COLEC10: variants seen among roughly 807,000 people sequenced by gnomAD.
COLEC10 encodes collectin subfamily member 10, also known as collectin-10.
Under a neutral mutation model 28.4 loss-of-function variants are expected in COLEC10, and 22 were observed. The observed-to-expected ratio is 0.78, with a 90% CI of 0.55 to 1.11. COLEC10 has a LOEUF of 1.11. Among genes scored for constraint, COLEC10 ranks in the 50% least tolerant of loss-of-function variants. The pLI, the probability that COLEC10 is intolerant of heterozygous loss-of-function variation, is 0.00. For missense variants in COLEC10, 361 were observed against 344.1 expected (o/e 1.05, Z -0.39); for synonymous variants, 125 against 116.1 (o/e 1.08, Z -0.49).
intron 1 of COLEC10, among the ~76,000 whole-genome samples, chr8:119,077,787 G>A (rs1815281020): frequency 6.6e-6 from 1 of 152,016 alleles, no homozygotes; most frequent in Non-Finnish European, 1.5e-5. Flanking sequence ...TAGCACCAAT[G>A]GCTTCCACAT....
chr8:119,035,222 G>A (rs1814365758), intron 2 of COLEC10, among the ~76,000 whole-genome samples: 1 of 152,150 alleles, frequency 6.6e-6, no homozygotes, highest in African/African-American at 2.4e-5. Context: ...TTCTTCTGGA[G>A]GAAATCTGAG....
intron 2 of COLEC10, among the ~76,000 whole-genome samples, chr8:119,043,888 A>T (rs1814541134): frequency 6.6e-6 from 1 of 152,222 alleles, no homozygotes; most frequent in South Asian, 2.1e-4. Flanking sequence ...TAGAAGTAGG[A>T]CATGGACAAC....
At chr8:119,074,247 C>T (rs561896927) in intron 1 of COLEC10, among the ~76,000 whole-genome samples, 2 of 151,882 alleles carry the variant, frequency 1.3e-5, no homozygotes, top group East Asian at 1.9e-4. Context: ...GGAACTATAG[C>T]CAGTAATAAA....
the COLEC10 span, among the ~76,000 whole-genome samples, chr8:118,972,187 C>A: frequency 6.6e-6 from 1 of 151,924 alleles, no homozygotes. Context: ...GGGCTTGTAA[C>A]CAAATTTCTG....
chr8:118,954,923 T>G, the COLEC10 span, among the ~76,000 whole-genome samples: 1 of 152,196 alleles, frequency 6.6e-6, no homozygotes, highest in African/African-American at 2.4e-5. Context: ...GGAAAGCAAT[T>G]GACTTAGGTG....
intron 1 of COLEC10, among the ~76,000 whole-genome samples, chr8:118,998,750 G>A (rs1207298463): frequency 6.7e-6 from 1 of 150,018 alleles, no homozygotes; most frequent in Non-Finnish European, 1.5e-5. Context: ...GAGAGGCTGA[G>A]GCAGGAGAAG....
At chr8:119,011,816 C>T (rs1047047752) in intron 2 of COLEC10, among the ~76,000 whole-genome samples, 3 of 150,904 alleles carry the variant, frequency 2.0e-5, no homozygotes, top group Non-Finnish European at 1.5e-5. Context: ...ATCCTTGCAA[C>T]CTAGTTACAA....
At chr8:118,966,630 A>T in the COLEC10 span, among the ~76,000 whole-genome samples, 1 of 151,992 alleles carries the variant, frequency 6.6e-6, no homozygotes, top group Non-Finnish European at 1.5e-5. Context: ...GATGAATAAA[A>T]GTTGTAGATT....
chr8:118,959,185 G>C, the COLEC10 span, among the ~76,000 whole-genome samples: 2 of 152,146 alleles, frequency 1.3e-5, no homozygotes, highest in African/African-American at 4.8e-5. Flanking sequence ...GTGTGAAAGA[G>C]GGGATTTCTT....
At chr8:118,988,149 C>A in the COLEC10 span, among the ~76,000 whole-genome samples, 1 of 152,122 alleles carries the variant, frequency 6.6e-6, no homozygotes, top group East Asian at 1.9e-4. Context: ...TGAAGGCTGA[C>A]TGTGAACTAG....
In COLEC10 at chr8:119,016,418, G is replaced by A. The variant is rs758874762; in HGVS notation, n.235+6865G>A. 2.2e-4 allele frequency among the ~76,000 whole-genome samples: 33 copies of A among 152,232 alleles called. 1 individual carries two copies. The highest frequency in any genetic ancestry group is 8.3e-4 in the South Asian group (4 of 4,828). Reference sequence around the variant, plus strand: ...GTATGTGCCACATTTTCTTTGTCCAGTCTATCACTGATAGGCATTTGGGTT... The same window carrying A: ...GTATGTGCCACATTTTCTTTGTCCAATCTATCACTGATAGGCATTTGGGTT... On this transcript the variant is annotated intron_variant and non_coding_transcript_variant, in intron 2 of 6. Transcript: ENST00000521788.
intron 1 of COLEC10, among the ~76,000 whole-genome samples, chr8:119,080,273 C>T (rs1450530921): frequency 6.6e-6 from 1 of 152,146 alleles, no homozygotes; most frequent in African/African-American, 2.4e-5. Flanking sequence ...CACAACACAG[C>T]TTGGTAGCTA....
intron 1 of COLEC10, among the ~76,000 whole-genome samples, chr8:118,998,802 G>T (rs1165501329): frequency 7.6e-6 from 1 of 131,946 alleles, no homozygotes; most frequent in South Asian, 2.4e-4. Context: ...AGCCAAGATC[G>T]TGCCACTGCA....
intron 2 of COLEC10, among the ~76,000 whole-genome samples, chr8:119,022,746 C>T (rs1038781713): frequency 1.3e-5 from 2 of 152,056 alleles, no homozygotes; most frequent in East Asian, 3.9e-4. Context: ...GCTGCCTCCC[C>T]AGCTCAGTAG....
At position 119,058,226 on chromosome 8, in the gene COLEC10, G is replaced by A. The variant is rs140491910; in HGVS notation, n.236-31454G>A. 3.7e-4 allele frequency among the ~76,000 whole-genome samples: 56 copies of A among 152,114 alleles called. 1 individual carries two copies. Among genetic ancestry groups the A allele is most frequent in the Admixed American group, 1.4e-3 (21 of 15,260 alleles). On this transcript the variant is annotated intron_variant and non_coding_transcript_variant, in intron 2 of 6. Transcript: ENST00000521788. ...ATAACTATTCCAAGACTTTTGGAAT[G>A]CAGTTTTCATGATAGGTTTGAGGGT...
intron 1 of COLEC10, chr8:119,067,824 G>A (rs1275550737): frequency 6.4e-6 from 1 of 156,812 alleles, no homozygotes; most frequent in Non-Finnish European, 1.4e-5. Flanking sequence ...TGCTGGTAAA[G>A]CTGTTTAAGC....
chr8:119,032,770 C>T (rs1470800161), intron 2 of COLEC10, among the ~76,000 whole-genome samples: 1 of 152,134 alleles, frequency 6.6e-6, no homozygotes, highest in Non-Finnish European at 1.5e-5. Flanking sequence ...GCCGTGCTGG[C>T]GGGCGCCTGT....
At chr8:119,093,015 A>G (rs764733472) in intron 3 of COLEC10, among the ~76,000 whole-genome samples, 16 of 152,236 alleles carry the variant, frequency 1.1e-4, no homozygotes, top group Non-Finnish European at 1.9e-4. Context: ...GGTCTTGAAG[A>G]ATAGTAACAT....
At chr8:119,032,867 A>G (rs12678460) in intron 2 of COLEC10, among the ~76,000 whole-genome samples, 6,707 of 152,314 alleles carry the variant, frequency 0.044, 217 homozygotes, top group East Asian at 0.16. Context: ...GCGCCTCTGC[A>G]CCGGAGCCTG....
Sources: allele counts gnomAD v4.1 joint callset (sites outside exome capture counted in the v4.1 genomes callset), GRCh38; gene constraint gnomAD v4.1.1; transcripts MANE v1.5; gene names NCBI Gene and HGNC (gene_info 2026-07-23, HGNC 2026-07-21).